The following SLIT3 variants were observed in gnomAD, a reference collection of about 807,000 sequenced individuals.
SLIT3 encodes slit homolog 3 protein.
SLIT3 carries 68 observed loss-of-function variants against 184.0 expected under a neutral mutation model. The observed-to-expected ratio is 0.37, with a 90% confidence interval of 0.30 to 0.45. The LOEUF is 0.45. SLIT3 is among the 20% of genes least tolerant of loss of function. The pLI, the probability that SLIT3 is intolerant of heterozygous loss-of-function variation, is 1.00. For synonymous variants in SLIT3, 831 were observed against 828.6 expected, an observed-to-expected ratio of 1.00 and a Z score of -0.05; for missense variants, 1,707 against 2,026.0, an observed-to-expected ratio of 0.84 and a Z score of 3.02.
chr5:168,892,284 TTTAAAGTCTGATGTGTA>T (rs780640649), intron 4 of SLIT3, among the ~76,000 whole-genome samples: 9 of 152,242 alleles, frequency 5.9e-5, no homozygotes, highest in Non-Finnish European at 1.3e-4. Context: ...ATTCCAAGTC[TTTAAAGTCTGATGTGTA>T]TTTTACACAC....
intron 4 of SLIT3, among the ~76,000 whole-genome samples, chr5:169,105,747 G>A (rs1176306885): frequency 6.6e-6 from 1 of 152,168 alleles, no homozygotes; most frequent in South Asian, 2.1e-4. Flanking sequence ...TGAGGATATG[G>A]CTTCCTGTTC....
At chr5:168,813,410 C>T (rs1181520780) in intron 8 of SLIT3, among the ~76,000 whole-genome samples, 2 of 151,918 alleles carry the variant, frequency 1.3e-5, no homozygotes, top group African/African-American at 4.8e-5. Flanking sequence ...TGGTCGGGTT[C>T]AGGCCACAAG....
intron 3 of SLIT3, among the ~76,000 whole-genome samples, chr5:169,217,432 G>A (rs1049474827): frequency 6.6e-6 from 1 of 152,190 alleles, no homozygotes; most frequent in African/African-American, 2.4e-5. Context: ...CTTTGTGGCT[G>A]AGGGATTGGG....
chr5:169,194,735 C>T (rs1419743831), intron 3 of SLIT3, among the ~76,000 whole-genome samples: 1 of 152,126 alleles, frequency 6.6e-6, no homozygotes, highest in Non-Finnish European at 1.5e-5. Flanking sequence ...AAAATCTGCC[C>T]AGTAGGGATG....
At chr5:169,150,589 A>G (rs1762082221) in intron 4 of SLIT3, among the ~76,000 whole-genome samples, 2 of 152,032 alleles carry the variant, frequency 1.3e-5, no homozygotes, top group Admixed American at 6.6e-5. Flanking sequence ...GGAGTAATGG[A>G]GCAGTAATGT....
intron 4 of SLIT3, among the ~76,000 whole-genome samples, chr5:168,907,979 T>TATAGAGAGAGAGAGAG (rs376418381): frequency 4.6e-4 from 23 of 50,084 alleles, no homozygotes; most frequent in African/African-American, 1.0e-3. Flanking sequence ...TATATATATA[T>TATAGAGAGAGAGAGAG]AGAGAGAGAG....
intron 3 of SLIT3, among the ~76,000 whole-genome samples, chr5:169,196,245 C>T (rs148390348): frequency 1.3e-3 from 193 of 152,112 alleles, no homozygotes; most frequent in African/African-American, 4.5e-3. Context: ...ATGTACTCAG[C>T]GATAACAGGT....
At chr5:169,206,184 C>T (rs1764061961) in intron 3 of SLIT3, among the ~76,000 whole-genome samples, 1 of 152,212 alleles carries the variant, frequency 6.6e-6, no homozygotes, top group Non-Finnish European at 1.5e-5. Flanking sequence ...TCTGCAAAAG[C>T]ACGCTCCATC....
intron 10 of SLIT3, chr5:168,791,461 T>C (rs1756365053): frequency 6.6e-6 from 1 of 152,246 alleles, no homozygotes; most frequent in Non-Finnish European, 1.5e-5. Flanking sequence ...TTGGTCACTT[T>C]GTCTTTTTCT....
At chr5:168,803,528 C>T (rs1443000027) in intron 9 of SLIT3, among the ~76,000 whole-genome samples, 1 of 152,232 alleles carries the variant, frequency 6.6e-6, no homozygotes, top group Non-Finnish European at 1.5e-5. Flanking sequence ...TCTGCAATTT[C>T]TGTCTCCTGG....
At chr5:168,891,317 T>C (rs13169232) in intron 4 of SLIT3, among the ~76,000 whole-genome samples, 58,838 of 151,950 alleles carry the variant, frequency 0.39, 12,048 homozygotes, top group East Asian at 0.61. Flanking sequence ...TTAATCTGTA[T>C]TTCAGAAAGC....
chr5:168,972,678 G>A (rs1424718541), intron 4 of SLIT3, among the ~76,000 whole-genome samples: 6 of 152,132 alleles, frequency 3.9e-5, no homozygotes, highest in African/African-American at 1.4e-4. Context: ...TCCTGATGAA[G>A]GTTCCATGCC....
chr5:169,293,042 T>C (rs1380980844), intron 1 of SLIT3, among the ~76,000 whole-genome samples: 2 of 152,206 alleles, frequency 1.3e-5, no homozygotes, highest in African/African-American at 4.8e-5. Flanking sequence ...GATTGGAACC[T>C]ATTTAGAGGA....
At chr5:168,811,661 G>A (rs939344447) in intron 8 of SLIT3, among the ~76,000 whole-genome samples, 45 of 152,106 alleles carry the variant, frequency 3.0e-4, no homozygotes, top group African/African-American at 9.2e-4. Context: ...CATCCACAAC[G>A]AGCTATCACC....
At chr5:168,757,307 T>A (rs942942900) in intron 16 of SLIT3, among the ~76,000 whole-genome samples, 5 of 152,204 alleles carry the variant, frequency 3.3e-5, no homozygotes, top group Non-Finnish European at 7.3e-5. Flanking sequence ...CAGGGTAAAG[T>A]GTTTAATTTG....
At chr5:169,039,241 T>C (rs938046046) in intron 4 of SLIT3, among the ~76,000 whole-genome samples, 3 of 151,824 alleles carry the variant, frequency 2.0e-5, no homozygotes, top group African/African-American at 7.3e-5. Flanking sequence ...AGGCTTTGCA[T>C]TTAAAGAGAG....
intron 3 of SLIT3, 66 bp downstream of exon 3, chr5:169,244,638 AC>A (rs1765523053): frequency 3.4e-6 from 5 of 1,459,638 alleles, no homozygotes; most frequent in Non-Finnish European, 4.7e-6. Context: ...CAAAAACAAA[AC>A]AAAACAAAAC....
intron 32 of SLIT3, among the ~76,000 whole-genome samples, chr5:168,676,827 C>T (rs1185349670): frequency 6.6e-6 from 1 of 152,180 alleles, no homozygotes; most frequent in Non-Finnish European, 1.5e-5. Flanking sequence ...AGCTGTTTTC[C>T]CATTACAGAC....
intron 14 of SLIT3, among the ~76,000 whole-genome samples, chr5:168,762,978 G>A (rs1273327148): frequency 6.6e-6 from 1 of 152,084 alleles, no homozygotes; most frequent in African/African-American, 2.4e-5. Flanking sequence ...AGACGTTTTT[G>A]AGAAGCTGAT....
Sources: gnomAD v4.1 joint callset for allele counts (sites outside exome capture counted in the v4.1 genomes callset) on GRCh38, gnomAD v4.1.1 for gene constraint, MANE v1.5 for transcripts, NCBI Gene and HGNC (gene_info 2026-07-23, HGNC 2026-07-21) for gene names.